The following AKAP8L variants were observed in gnomAD, a reference collection of about 807,000 sequenced individuals.
AKAP8L encodes A-kinase anchoring protein 8 like.
In AKAP8L, 34 loss-of-function variants were observed where a neutral mutation model predicts 77.5. The ratio of observed to expected loss-of-function variants is 0.44; its 90% CI spans 0.33 to 0.58. AKAP8L has a LOEUF of 0.58. Among genes scored for constraint, AKAP8L ranks in the 20% least tolerant of loss-of-function variants. The pLI, the probability that AKAP8L is intolerant of heterozygous loss-of-function variation, is 0.02. For missense variants in AKAP8L, 806 were observed against 887.6 expected (o/e 0.91, Z 1.17); for synonymous variants, 342 against 340.7 (o/e 1.00, Z -0.04).
chr19:15,410,837 ACAAGGTC>A, intron 1 of AKAP8L, among the ~76,000 whole-genome samples: 1 of 152,298 alleles, frequency 6.6e-6, no homozygotes, highest in East Asian at 1.9e-4. Flanking sequence ...CTTTTTAAAA[ACAAGGTC>A]TCACTCTGTC....
intron 2 of AKAP8L, 135 bp from the exon 3 acceptor site, chr19:15,404,177 C>T (rs761160069): frequency 1.8e-4 from 151 of 842,338 alleles, no homozygotes; most frequent in Non-Finnish European, 2.7e-4. Context: ...GCCTTGAGCT[C>T]GCGAGCACTG....
At chr19:15,411,611 A>G (rs949819618) in intron 1 of AKAP8L, among the ~76,000 whole-genome samples, 1 of 152,224 alleles carries the variant, frequency 6.6e-6, no homozygotes, top group East Asian at 1.9e-4. Flanking sequence ...GTGACAGAGC[A>G]AGACCCTGTC....
chr19:15,412,229 A>C (rs1037858151), intron 1 of AKAP8L, among the ~76,000 whole-genome samples: 5 of 152,074 alleles, frequency 3.3e-5, no homozygotes, highest in African/African-American at 1.2e-4. Context: ...ACAAAACCCC[A>C]AAATTAGCTG....
intron 2 of AKAP8L, among the ~76,000 whole-genome samples, chr19:15,407,581 T>C (rs1568272042): frequency 6.6e-6 from 1 of 152,212 alleles, no homozygotes; most frequent in African/African-American, 2.4e-5. Flanking sequence ...AAGGTAAACC[T>C]ACAAATCAAA....
intron 1 of AKAP8L, among the ~76,000 whole-genome samples, chr19:15,418,695 C>A (rs895929861): frequency 6.6e-6 from 1 of 152,238 alleles, no homozygotes; most frequent in African/African-American, 2.4e-5. Context: ...AGACATCAGG[C>A]GGCCGGGAGC....
intron 1 of AKAP8L, among the ~76,000 whole-genome samples, chr19:15,410,937 C>T (rs984404419): frequency 1.1e-4 from 17 of 152,172 alleles, no homozygotes; most frequent in African/African-American, 4.1e-4. Context: ...CTCAGCCTCC[C>T]AAGTAGCTGA....
rs550214746 is a variant in AKAP8L at position 15,418,267 on chromosome 19, G to C, written c.13+644C>G. The stretch of plus-strand genomic sequence containing the variant: ...TTCTTGTCTGTATTCCCAATACCCA[G>C]TCTGTACCGGACACGGTTCATTTGA... On this transcript the variant is annotated intron_variant, in intron 1 of 13. Transcript: ENST00000397410. 2.0e-5 allele frequency among the ~76,000 whole-genome samples: 3 copies of C among 152,336 alleles called. No homozygotes were observed. In the East Asian group the frequency reaches 5.8e-4, roughly 29 times the overall value.
chr19:15,400,703 C>T (rs535876766), intron 7 of AKAP8L, 91 bp downstream of exon 7: 1 of 1,465,472 alleles, frequency 6.8e-7, no homozygotes, highest in East Asian at 2.4e-5. Context: ...AGAGCTGACA[C>T]AGCATTGCCT....
At chr19:15,387,787 C>T (rs763002056) in intron 12 of AKAP8L, among the ~76,000 whole-genome samples, 2 of 152,100 alleles carry the variant, frequency 1.3e-5, no homozygotes, top group Non-Finnish European at 2.9e-5. Context: ...GGTGAAACCC[C>T]GTCTCTACTA....
At chr19:15,391,121 C>T (rs1356777719) in intron 12 of AKAP8L, among the ~76,000 whole-genome samples, 1 of 152,126 alleles carries the variant, frequency 6.6e-6, no homozygotes, top group Non-Finnish European at 1.5e-5. Flanking sequence ...AAAACTAACT[C>T]TATTTGCAGA....
chr19:15,415,851 A>G lies in AKAP8L; in HGVS notation c.13+3060T>C, dbSNP rs1568275484. Among the ~76,000 whole-genome samples the G allele has an allele frequency of 2.7e-5, 4 of 150,736 alleles. No homozygotes were observed. The Admixed American group carries it at 2.7e-4, about 10-fold the overall frequency. On this transcript the variant is annotated intron_variant, in intron 1 of 13. Coordinates refer to ENST00000397410, the MANE Select transcript of AKAP8L (RefSeq NM_014371.4). The stretch of plus-strand genomic sequence containing the variant: ...CAGTGGGCCGAGATGGCGCCACTGC[A>G]CTCCAGCCTGGGTGACAGAGCAAGA...
Position 15,397,095 on chromosome 19 carries a change from A to G in AKAP8L, c.1536+55T>C. 1 of 1,603,686 alleles carries G rather than the reference A, an allele frequency of 6.2e-7. No homozygotes were observed. The highest frequency in any genetic ancestry group is 8.5e-7 in the Non-Finnish European group (1 of 1,173,268). ...GAGGTTCCAACTGCACAACCTCCCC[A>G]GAGGCCTCACTCAATCTACCCACAG... On this transcript the variant is annotated intron_variant, in intron 12 of 13. Coordinates refer to ENST00000397410, the MANE Select transcript of AKAP8L (RefSeq NM_014371.4). The surrounding 1 kb of genome is among the most constrained non-coding windows in gnomAD (Gnocchi z 4.7).
Position 15,401,623 on chromosome 19 carries a change from G to A in AKAP8L, c.363-20C>T, listed in dbSNP as rs758504913. On this transcript the variant is annotated intron_variant, in intron 4 of 13. Transcript: ENST00000397410. This position sits in a 1 kb window ranked among gnomAD's most constrained non-coding sequence, Gnocchi z 6.2. ...TCATACCTGCAGAGGCATGGGGTGA[G>A]CATCAGGTGGAGCCCCTCAGGATCC... 6.5e-7 allele frequency: 1 copy of A among 1,528,422 alleles called. No homozygotes were observed. Among genetic ancestry groups the A allele is most frequent in the Non-Finnish European group, 8.8e-7 (1 of 1,135,112 alleles). The allele number at this position is 1,528,422 out of a possible 1,614,324, so 94.7% of individuals were successfully genotyped here.
rs1967385040 is a variant in AKAP8L at position 15,380,506 on chromosome 19, C to CAGTG, written c.1632+7_1632+10dup. ...AGCTGGGGACAGGGCAGGCCCGGAC[C>CAGTG]AGTGCCTCACCTTCAGGTAGCGCTC... On this transcript the variant is annotated intron_variant, in intron 13 of 13. Transcript: ENST00000397410. The CAGTG allele has an allele frequency of 4.3e-6, 7 of 1,613,814 alleles. No homozygotes were observed. Among genetic ancestry groups the CAGTG allele is most frequent in the Non-Finnish European group, 5.9e-6 (7 of 1,179,868 alleles).
intron 2 of AKAP8L, 90 bp from the exon 3 acceptor site, chr19:15,404,132 T>C: frequency 1.4e-6 from 2 of 1,396,478 alleles, no homozygotes; most frequent in Admixed American, 1.8e-5. Context: ...AGGACCTGAC[T>C]GGTCAGAGCA....
intron 1 of AKAP8L, 52 bp downstream of exon 1, chr19:15,418,859 C>A (rs1968271309): frequency 2.6e-6 from 4 of 1,546,910 alleles, no homozygotes; most frequent in Non-Finnish European, 2.6e-6. Flanking sequence ...GGCATCCGCA[C>A]GTCCCTGTCC....
chr19:15,393,247 A>G (rs557849940), intron 12 of AKAP8L, among the ~76,000 whole-genome samples: 31 of 152,226 alleles, frequency 2.0e-4, no homozygotes, highest in Non-Finnish European at 4.0e-4. Context: ...CTTAGAAGAA[A>G]ACACAGGGGT....
rs561957699 is a variant in AKAP8L at position 15,401,698 on chromosome 19, C to T, written c.363-95G>A. On this transcript the variant is annotated intron_variant, in intron 4 of 13. Transcript: ENST00000397410. This position sits in a 1 kb window ranked among gnomAD's most constrained non-coding sequence, Gnocchi z 6.2. ...CCCTCCCCAATCTCCCAGTCCAGCA[C>T]CCACCCTGCCCTGGTTGGGAGGCTC... The T allele has an allele frequency of 4.1e-6, 4 of 978,816 alleles. No individual in the cohort carries two copies. In the South Asian group the frequency reaches 5.1e-5, roughly 12 times the overall value. 60.6% of individuals were successfully genotyped at this position (978,816 alleles called of 1,614,324 possible). A position where few individuals can be genotyped will look rare whatever the true frequency, so the allele number is the denominator to read the frequency against.
At chr19:15,393,760 A>C (rs1967712459) in intron 12 of AKAP8L, among the ~76,000 whole-genome samples, 1 of 152,176 alleles carries the variant, frequency 6.6e-6, no homozygotes, top group African/African-American at 2.4e-5. Context: ...GTCTCTACTA[A>C]AAATACAAAA....
Sources: gnomAD v4.1 joint callset for allele counts (sites outside exome capture counted in the v4.1 genomes callset) on GRCh38, gnomAD v4.1.1 for gene constraint, Gnocchi (gnomAD v3.1) non-coding constraint, MANE v1.5 for transcripts, NCBI Gene and HGNC (gene_info 2026-07-23, HGNC 2026-07-21) for gene names.